Variants in SGIP1 observed in about 807,000 individuals in gnomAD.
SGIP1 encodes the protein SH3-containing GRB2-like protein 3-interacting protein 1.
SGIP1 carries 38 observed loss-of-function variants against 107.5 expected under a neutral mutation model. That is an observed-to-expected ratio of 0.35 (90% CI 0.27 to 0.46). The LOEUF is 0.46. Among genes scored for constraint, SGIP1 ranks in the 20% least tolerant of loss-of-function variants. The probability of loss-of-function intolerance (pLI) is 1.00; values close to 1 mark genes in which losing one functional copy is unlikely to be tolerated. For missense variants in SGIP1, 929 were observed against 1,019.5 expected (o/e 0.91, Z 1.21); for synonymous variants, 365 against 366.1 (o/e 1.00, Z 0.03).
chr1:66,707,712 T>C (rs1273747783), intron 18 of SGIP1, among the ~76,000 whole-genome samples: 2 of 152,186 alleles, frequency 1.3e-5, no homozygotes, highest in Non-Finnish European at 2.9e-5. Context: ...TGACTGTTAA[T>C]TTTCCAAGAG....
chr1:66,714,993 A>G (rs2093149307), intron 18 of SGIP1, among the ~76,000 whole-genome samples: 2 of 152,122 alleles, frequency 1.3e-5, no homozygotes, highest in Non-Finnish European at 2.9e-5. Flanking sequence ...TTTATTACTC[A>G]TATCATTTTT....
chr1:66,706,336 A>G (rs1442078465), intron 18 of SGIP1, among the ~76,000 whole-genome samples: 1 of 109,922 alleles, frequency 9.1e-6, no homozygotes, highest in African/African-American at 3.6e-5. Flanking sequence ...ATTATATAAT[A>G]TGTAAAATAT....
chr1:66,744,651 G>A lies in SGIP1; in HGVS notation c.*1556G>A, dbSNP rs1009727136. ...TTTAGAATTAAATTAAATTTTTAAA[G>A]TTTTACTTCTAAAATGAGATTGTGA... On this transcript the variant is annotated 3_prime_UTR_variant, in exon 25 of 25. Transcript: ENST00000371037. 1.3e-5 allele frequency: 2 copies of A among 151,964 alleles called. No individual in the cohort carries two copies. Among genetic ancestry groups the A allele is most frequent in the African/African-American group, 2.4e-5 (1 of 41,386 alleles). The allele number at this position is 151,964 out of a possible 1,614,324, so 9.4% of individuals were successfully genotyped here.
In SGIP1 at chr1:66,682,322, T is replaced by A; in HGVS notation, c.1268T>A (p.Val423Asp). Reference protein sequence around the residue: ...PPPPPTYRTVVSSPGPGSGPG... With the variant: ...PPPPPTYRTVDSSPGPGSGPG... Reference sequence around the variant, plus strand: ...CCACCACCCACCTACAGGACTGTGGTTTCGTCCCCCGGACCTGGCTCGGGC... The same window carrying A: ...CCACCACCCACCTACAGGACTGTGGATTCGTCCCCCGGACCTGGCTCGGGC... Residue 423 changes from valine (V) to aspartate (D), a missense_variant, in exon 15 of 25, where the codon GTT becomes GAT. Val to Asp is a radical substitution (Grantham distance 152). Coordinates refer to ENST00000371037, the MANE Select transcript of SGIP1 (RefSeq NM_032291.4). The A allele has an allele frequency of 6.2e-7, 1 of 1,614,134 alleles. No individual in the cohort carries two copies. The highest frequency in any genetic ancestry group is 8.5e-7 in the Non-Finnish European group (1 of 1,180,010).
intron 1 of SGIP1, among the ~76,000 whole-genome samples, 177 bp from the exon 2 acceptor site, chr1:66,625,670 T>C (rs2072490837): frequency 6.6e-6 from 1 of 152,222 alleles, no homozygotes. Context: ...TAAGTAACTA[T>C]TGAAAAAATG....
At chr1:66,657,874 T>C (rs2080102037) in intron 7 of SGIP1, among the ~76,000 whole-genome samples, 1 of 152,204 alleles carries the variant, frequency 6.6e-6, no homozygotes, top group Non-Finnish European at 1.5e-5. Context: ...TAATTAAAAA[T>C]AAACTCTGAT....
intron 15 of SGIP1, chr1:66,684,006 C>T (rs936375318): frequency 2.4e-5 from 36 of 1,487,950 alleles, no homozygotes; most frequent in Non-Finnish European, 2.7e-5. Context: ...CTTGAGCTAC[C>T]GCGCCCAGCC....
chr1:66,637,440 CGTGTGTGTGTGTGTTTGTGTGTGTGTGT>C (rs1298242008), intron 4 of SGIP1, among the ~76,000 whole-genome samples: 1 of 112,396 alleles, frequency 8.9e-6, no homozygotes. Context: ...CTAATAAAGC[CGTGTGTGTGTGTGTTTGTGTGTGTGTGT>C]GTGTGTGTGT....
At chr1:66,589,179 T>A (rs1163389734) in intron 1 of SGIP1, among the ~76,000 whole-genome samples, 1 of 29,370 alleles carries the variant, frequency 3.4e-5, no homozygotes, top group African/African-American at 2.3e-4. Flanking sequence ...TATATATATA[T>A]ATATATATAT....
intron 15 of SGIP1, among the ~76,000 whole-genome samples, chr1:66,687,817 G>C (rs891039791): frequency 6.6e-6 from 1 of 152,180 alleles, no homozygotes; most frequent in African/African-American, 2.4e-5. Context: ...GGTAGAGGAA[G>C]GTGGAGACAG....
chr1:66,659,889 A>G (rs1287371436), intron 7 of SGIP1, among the ~76,000 whole-genome samples: 1 of 149,038 alleles, frequency 6.7e-6, no homozygotes, highest in Non-Finnish European at 1.5e-5. Flanking sequence ...CTCCCAGGGC[A>G]CAGAGCAAGA....
At chr1:66,655,198 C>T (rs1335002099) in intron 7 of SGIP1, among the ~76,000 whole-genome samples, 9 of 151,858 alleles carry the variant, frequency 5.9e-5, no homozygotes, top group Non-Finnish European at 1.0e-4. Flanking sequence ...CTTCAAGAGC[C>T]TCATTGTCAA....
At chr1:66,680,974 A>G (rs2149982774) in intron 14 of SGIP1, among the ~76,000 whole-genome samples, 1 of 152,356 alleles carries the variant, frequency 6.6e-6, no homozygotes, top group African/African-American at 2.4e-5. Flanking sequence ...TATTATTGCT[A>G]TGAGTTAAAA....
At chr1:66,671,526 C>T (rs1440002839) in intron 10 of SGIP1, among the ~76,000 whole-genome samples, 1 of 152,114 alleles carries the variant, frequency 6.6e-6, no homozygotes, top group East Asian at 1.9e-4. Flanking sequence ...GTTAAAGATA[C>T]AACATTTTCT....
In SGIP1 at chr1:66,643,706, C is replaced by T; in HGVS notation, c.446C>T (p.Ser149Phe). 2 of 1,608,610 alleles carry T rather than the reference C, an allele frequency of 1.2e-6. No individual in the cohort carries two copies. Among genetic ancestry groups the T allele is most frequent in the African/African-American group, 1.3e-5 (1 of 74,470 alleles). The change falls in exon 7 of 25, where the codon TCC becomes TTC. Residue 149 changes from serine (S) to phenylalanine (F), a missense_variant. Transcript: ENST00000371037. ...LKASIGNIALSPSPVRKSPRR... is the reference protein window; with the variant it reads ...LKASIGNIALFPSPVRKSPRR... ...GCATCAATAGGCAACATCGCACTTT[C>T]CCCATCACCAGTGGTGAGTGTTGTG... is the stretch of plus-strand genomic sequence containing the variant.
At chr1:66,537,546 G>T (rs914920162) in intron 1 of SGIP1, among the ~76,000 whole-genome samples, 1 of 152,012 alleles carries the variant, frequency 6.6e-6, no homozygotes, top group Non-Finnish European at 1.5e-5. Flanking sequence ...CCTTGTTCAC[G>T]TAGGCCCAAC....
At chr1:66,733,511 C>T (rs1299534860) in intron 20 of SGIP1, among the ~76,000 whole-genome samples, 1 of 152,164 alleles carries the variant, frequency 6.6e-6, no homozygotes. Flanking sequence ...ACTGAGCACT[C>T]ACTGAGATTG....
At chr1:66,734,386 G>T (rs551637587) in intron 21 of SGIP1, among the ~76,000 whole-genome samples, 2 of 151,820 alleles carry the variant, frequency 1.3e-5, no homozygotes, top group East Asian at 3.9e-4. Flanking sequence ...TTTGTATCTA[G>T]AATTGCCCTT....
intron 1 of SGIP1, among the ~76,000 whole-genome samples, chr1:66,573,405 T>C (rs945510555): frequency 1.3e-5 from 2 of 152,166 alleles, no homozygotes; most frequent in Non-Finnish European, 1.5e-5. Flanking sequence ...ATCTCGTTAC[T>C]GGGTATATAC....
Sources: gnomAD v4.1 joint callset for allele counts (sites outside exome capture counted in the v4.1 genomes callset) on GRCh38, gnomAD v4.1.1 for gene constraint, MANE v1.5 for transcripts, NCBI Gene and HGNC (gene_info 2026-07-23, HGNC 2026-07-21) for gene names.